Variants in ERAP1 observed in about 807,000 individuals in gnomAD.
ERAP1 encodes the protein adipocyte-derived leucine aminopeptidase.
In ERAP1, 86 loss-of-function variants were observed where a neutral mutation model predicts 103.7. That is an observed-to-expected ratio of 0.83 (90% CI 0.70 to 0.99). ERAP1 has a LOEUF of 0.99. ERAP1 is among the 50% of genes least tolerant of loss of function. The probability of loss-of-function intolerance (pLI) is 0.00; values close to 1 mark genes in which losing one functional copy is unlikely to be tolerated. For missense variants in ERAP1, 1,009 were observed against 1,128.4 expected (o/e 0.89, Z 1.52); for synonymous variants, 398 against 402.4 (o/e 0.99, Z 0.13).
At chr5:96,794,510 A>G (rs1777129532) in intron 5 of ERAP1, among the ~76,000 whole-genome samples, 1 of 152,114 alleles carries the variant, frequency 6.6e-6, no homozygotes, top group African/African-American at 2.4e-5. Flanking sequence ...TCTTGACTCC[A>G]TTTCTAACCT....
chr5:96,770,682 C>G (rs1458124893), downstream of ERAP1: 2 of 932,690 alleles, frequency 2.1e-6, no homozygotes, highest in African/African-American at 1.6e-5. Context: ...CATTTAGTTT[C>G]CTACTGGAAT....
At chr5:96,851,459 C>T in the ERAP1 span, among the ~76,000 whole-genome samples, 1 of 152,142 alleles carries the variant, frequency 6.6e-6, no homozygotes, top group East Asian at 1.9e-4. Context: ...GGAGACAGAT[C>T]AGCATTTAGC....
At chr5:96,767,501 T>C in intron 19 of ERAP1, 1 of 1,605,712 alleles carries the variant, frequency 6.2e-7, no homozygotes, top group South Asian at 1.1e-5. Context: ...CATAGGAACA[T>C]ATTTCCATTA....
the ERAP1 span, among the ~76,000 whole-genome samples, chr5:96,865,203 T>G: frequency 6.6e-6 from 1 of 152,218 alleles, no homozygotes. Context: ...ATCCATATCA[T>G]GGGAAATGTC....
chr5:96,838,270 A>G, the ERAP1 span, among the ~76,000 whole-genome samples: 15 of 152,176 alleles, frequency 9.9e-5, no homozygotes, highest in East Asian at 2.3e-3. Context: ...AAGGCTGCCA[A>G]TGTGCAGGTC....
At chr5:96,780,653 T>C (rs1775037693) in intron 17 of ERAP1, 149 bp from the exon 18 acceptor site, 3 of 707,610 alleles carry the variant, frequency 4.2e-6, no homozygotes, top group Admixed American at 4.4e-5. Flanking sequence ...GGTTAAGATC[T>C]AGCTGTAAAG....
the ERAP1 span, among the ~76,000 whole-genome samples, chr5:96,905,864 AAAAC>A: frequency 6.6e-6 from 1 of 152,206 alleles, no homozygotes. Context: ...TCTGTCTCAA[AAAAC>A]AAACAAACAA....
chr5:96,883,832 A>G, the ERAP1 span: 1 of 1,613,630 alleles, frequency 6.2e-7, no homozygotes, highest in African/African-American at 1.3e-5. Flanking sequence ...CCAGGCACGC[A>G]TGGCTTTCCC....
chr5:96,780,651 T>A lies in ERAP1; in HGVS notation c.2589-147A>T, dbSNP rs1041497909. The A allele has an allele frequency of 4.2e-6, 3 of 710,316 alleles. No individual in the cohort carries two copies. In the African/African-American group the frequency reaches 5.3e-5, roughly 13 times the overall value. The allele number at this position is 710,316 out of a possible 1,614,324, so 44.0% of individuals were successfully genotyped here. A position where few individuals can be genotyped will look rare whatever the true frequency, so the allele number is the denominator to read the frequency against. On this transcript the variant is annotated intron_variant, in intron 17 of 18. Coordinates refer to ENST00000443439, the MANE Select transcript of ERAP1 (RefSeq NM_001040458.3). ...ATGATGTCTATCCAATGGGTTAAGA[T>A]CTAGCTGTAAAGAATAATACACACC...
At chr5:96,766,009 A>G (rs1196877632) in intron 19 of ERAP1, 3 of 1,085,674 alleles carry the variant, frequency 2.8e-6, no homozygotes, top group East Asian at 2.4e-5. Context: ...TTCTAAGTGA[A>G]AGAGGAAATG....
chr5:96,789,358 G>A (rs1419764214), intron 10 of ERAP1, among the ~76,000 whole-genome samples: 2 of 152,046 alleles, frequency 1.3e-5, no homozygotes, highest in Non-Finnish European at 2.9e-5. Context: ...GTAGTGGCGT[G>A]TGCCTGTAAT....
chr5:96,860,082 G>T, the ERAP1 span, among the ~76,000 whole-genome samples: 1 of 151,974 alleles, frequency 6.6e-6, no homozygotes, highest in Non-Finnish European at 1.5e-5. Context: ...TTTAATTTTT[G>T]AGAGAGTCTC....
At chr5:96,895,020 G>T in the ERAP1 span, among the ~76,000 whole-genome samples, 2 of 151,814 alleles carry the variant, frequency 1.3e-5, no homozygotes, top group African/African-American at 4.8e-5. Context: ...TAAGGGCATT[G>T]AGAACACACA....
the ERAP1 span, among the ~76,000 whole-genome samples, chr5:96,921,443 A>G: frequency 6.6e-6 from 1 of 152,256 alleles, no homozygotes; most frequent in Non-Finnish European, 1.5e-5. Flanking sequence ...AGCTGGCAGT[A>G]TAAACAGATC....
At chr5:96,914,148 T>TCTCTCACACACACACACACACACA in the ERAP1 span, among the ~76,000 whole-genome samples, 3 of 148,082 alleles carry the variant, frequency 2.0e-5, no homozygotes, top group South Asian at 4.3e-4. Context: ...TCTCTCTCTC[T>TCTCTCACACACACACACACACACA]CACACACACA....
chr5:96,909,732 C>A, the ERAP1 span: 1 of 1,614,180 alleles, frequency 6.2e-7, no homozygotes, highest in Non-Finnish European at 8.5e-7. Context: ...CTGAACTCTT[C>A]TCCCAGTGGA....
the ERAP1 span, chr5:96,879,523 A>C: frequency 1.7e-6 from 1 of 577,076 alleles, no homozygotes; most frequent in Non-Finnish European, 3.0e-6. Flanking sequence ...TGTAAATTGA[A>C]ATCTTTTTTG....
chr5:96,824,282 T>TCTGGAAATCCA, the ERAP1 span, among the ~76,000 whole-genome samples: 9 of 152,174 alleles, frequency 5.9e-5, no homozygotes, highest in Non-Finnish European at 1.2e-4. Flanking sequence ...AACACATTCC[T>TCTGGAAATCCA]CTGGCAATCC....
At chr5:96,850,364 T>C in the ERAP1 span, among the ~76,000 whole-genome samples, 834 of 152,200 alleles carry the variant, frequency 5.5e-3, 5 homozygotes, top group Non-Finnish European at 7.3e-3. Context: ...ATATCTAAGA[T>C]ATATTAAAAA....
Sources: allele counts gnomAD v4.1 joint callset (sites outside exome capture counted in the v4.1 genomes callset), GRCh38; gene constraint gnomAD v4.1.1; transcripts MANE v1.5; gene names NCBI Gene and HGNC (gene_info 2026-07-23, HGNC 2026-07-21).